The following TFAP2B variants were observed in gnomAD, a reference collection of about 807,000 sequenced individuals.
The protein encoded by TFAP2B is transcription factor AP-2 beta, also known as transcription factor AP-2-beta.
A neutral mutation model predicts 44.3 loss-of-function variants in TFAP2B; 9 were observed. The ratio of observed to expected loss-of-function variants is 0.20; its 90% CI spans 0.12 to 0.35. The LOEUF is 0.35. Ranked by LOEUF, TFAP2B falls within the 10% of genes least tolerant of loss-of-function variation. The pLI, the probability that TFAP2B is intolerant of heterozygous loss-of-function variation, is 1.00. For missense variants in TFAP2B, 509 were observed against 600.0 expected (o/e 0.85, Z 1.59); for synonymous variants, 270 against 263.8 (o/e 1.02, Z -0.23).
At chr6:50,828,327 A>C (rs1403005081) in intron 2 of TFAP2B, among the ~76,000 whole-genome samples, 1 of 152,240 alleles carries the variant, frequency 6.6e-6, no homozygotes, top group African/African-American at 2.4e-5. Context: ...ATAAGAGCAA[A>C]TAATATAAAG....
In TFAP2B at chr6:50,844,976, C is replaced by T. The variant is rs1192139586; in HGVS notation, c.*1584C>T. On this transcript the variant is annotated 3_prime_UTR_variant, in exon 7 of 7. Transcript: ENST00000393655. ...TTTTTACCGTCTGGATACATCGGGACTATTCCCAGTGGATAAAGTTTCATG... is the reference window on the plus strand; with the variant it reads ...TTTTTACCGTCTGGATACATCGGGATTATTCCCAGTGGATAAAGTTTCATG... 6.6e-6 allele frequency: 1 copy of T among 152,204 alleles called. No individual in the cohort carries two copies. The highest frequency in any genetic ancestry group is 2.4e-5 in the African/African-American group (1 of 41,452). The allele number at this position is 152,204 out of a possible 1,614,324, so 9.4% of individuals were successfully genotyped here.
intron 2 of TFAP2B, among the ~76,000 whole-genome samples, chr6:50,826,566 A>AGCGC (rs547861744): frequency 2.7e-4 from 39 of 143,926 alleles, no homozygotes; most frequent in African/African-American, 6.8e-4. Context: ...ATTGTGCATG[A>AGCGC]GCGCGCGCGC....
In TFAP2B at chr6:50,830,334, G is replaced by C. The variant is rs577044320; in HGVS notation, c.601+1655G>C. The C allele has an allele frequency of 4.1e-6, 4 of 981,866 alleles. No homozygotes were observed. The South Asian group carries it at 1.9e-4, about 46-fold the overall frequency. 60.8% of individuals were successfully genotyped at this position (981,866 alleles called of 1,614,324 possible). ...AAATATTTGTAACTTAGCTTGCCTA[G>C]CAAAACAGAGCTGAAGATTTTCTTA... On this transcript the variant is annotated intron_variant, in intron 3 of 6. Coordinates refer to ENST00000393655, the MANE Select transcript of TFAP2B (RefSeq NM_003221.4).
intron 1 of TFAP2B, among the ~76,000 whole-genome samples, chr6:50,822,584 T>C (rs1006307281): frequency 3.9e-5 from 6 of 152,152 alleles, no homozygotes; most frequent in African/African-American, 1.4e-4. Context: ...AGGAATAAGT[T>C]GTCTGGGCTT....
In TFAP2B at chr6:50,823,833, G is replaced by A. The variant is rs369404717; in HGVS notation, c.508G>A (p.Gly170Ser). The A allele has an allele frequency of 7.0e-5, 110 of 1,563,716 alleles. No individual in the cohort carries two copies. The highest frequency in any genetic ancestry group is 9.2e-5 in the Non-Finnish European group (106 of 1,155,180). ...AGMGDSLSLH[G>S]LGHPGMEDVQ... is the part of the protein sequence containing the mutation. ...CATGGGTGACAGCCTCTCGCTGCACGGCCTCGGCCATCCCGGAATGGAAGA... is the reference window on the plus strand; with the variant it reads ...CATGGGTGACAGCCTCTCGCTGCACAGCCTCGGCCATCCCGGAATGGAAGA... Residue 170 changes from glycine (G) to serine (S), a missense_variant, in exon 2 of 7, where the codon GGC becomes AGC. By Grantham distance (56) the Gly-to-Ser change is moderately conservative. Coordinates refer to ENST00000393655, the MANE Select transcript of TFAP2B (RefSeq NM_003221.4).
rs1186460776 is a variant in TFAP2B at position 50,836,158 on chromosome 6, C to T, written c.699C>T (p.Val233=). ...SVNTGEVFCS[V]PGRLSLLSST... is the part of the protein sequence containing the mutation. ...ACACCGGCGAGGTGTTTTGCTCCGTCCCAGGCCGTTTGTCTCTGCTCAGTT... is the reference window on the plus strand; with the variant it reads ...ACACCGGCGAGGTGTTTTGCTCCGTTCCAGGCCGTTTGTCTCTGCTCAGTT... Residue 233 remains valine (V), a synonymous_variant, in exon 4 of 7, where the codon GTC becomes GTT. Coordinates refer to ENST00000393655, the MANE Select transcript of TFAP2B (RefSeq NM_003221.4). The T allele has an allele frequency of 6.2e-6, 10 of 1,614,034 alleles. No homozygotes were observed. The South Asian group carries it at 7.7e-5, about 12-fold the overall frequency.
chr6:50,823,353 C>T lies in TFAP2B; in HGVS notation c.82-54C>T. 2.7e-6 allele frequency: 4 copies of T among 1,456,250 alleles called. No homozygotes were observed. In the South Asian group the frequency reaches 3.6e-5, roughly 13 times the overall value. The allele number at this position is 1,456,250 out of a possible 1,614,324, so 90.2% of individuals were successfully genotyped here. ...TCTCTGTCTCTCTCTGCCTCTATCT[C>T]TCTTTCTCTGTCTCCTTCTCTGGCT... On this transcript the variant is annotated intron_variant, in intron 1 of 6. Transcript: ENST00000393655.
intron 1 of TFAP2B, among the ~76,000 whole-genome samples, chr6:50,819,854 AGAGGCGGGCGAG>A (rs1561956296): frequency 2.2e-4 from 25 of 113,926 alleles, no homozygotes; most frequent in African/African-American, 9.1e-4. Flanking sequence ...GCGAGGTGGG[AGAGGCGGGCGAG>A]GTGGGAGAGG....
chr6:50,829,056 G>T (rs1427034772), intron 3 of TFAP2B, among the ~76,000 whole-genome samples: 2 of 152,194 alleles, frequency 1.3e-5, no homozygotes, highest in African/African-American at 4.8e-5. Context: ...CTGAGTTAAA[G>T]CTTATGTTAT....
chr6:50,821,357 A>C (rs1047549319), intron 1 of TFAP2B, among the ~76,000 whole-genome samples: 1 of 152,192 alleles, frequency 6.6e-6, no homozygotes, highest in African/African-American at 2.4e-5. Context: ...AACCAGGCCC[A>C]CCAATTTGCC....
chr6:50,823,794 G>A lies in TFAP2B; in HGVS notation c.469G>A (p.Gly157Ser). ...PDVLLHSAHH[G>S]LDAGMGDSLS... ...CGTGCTGCTGCATTCGGCGCACCAC[G>A]GCCTGGACGCGGGCATGGGTGACAG... Residue 157 changes from glycine (G) to serine (S), a missense_variant, in exon 2 of 7, where the codon GGC becomes AGC. By Grantham distance (56) the Gly-to-Ser change is moderately conservative (BLOSUM62 0). Transcript: ENST00000393655. 6.3e-7 allele frequency: 1 copy of A among 1,583,286 alleles called. No homozygotes were observed. Among genetic ancestry groups the A allele is most frequent in the Non-Finnish European group, 8.6e-7 (1 of 1,164,628 alleles).
intron 6 of TFAP2B, among the ~76,000 whole-genome samples, 162 bp from the exon 7 acceptor site, chr6:50,842,930 C>T (rs1028578543): frequency 6.6e-6 from 1 of 152,148 alleles, no homozygotes; most frequent in Admixed American, 6.5e-5. Context: ...CCCAGCTGCT[C>T]GAGAAGGGAG....
intron 6 of TFAP2B, among the ~76,000 whole-genome samples, chr6:50,841,383 A>G (rs1271883724): frequency 1.3e-5 from 2 of 152,088 alleles, no homozygotes; most frequent in Non-Finnish European, 2.9e-5. Flanking sequence ...GGTATTTGTC[A>G]GTAGATTGCC....
rs1177751993 is a variant in TFAP2B at position 50,846,756 on chromosome 6, A to G, written c.*3364A>G. The G allele has an allele frequency of 6.6e-6, 1 of 152,324 alleles. No individual in the cohort carries two copies. Among genetic ancestry groups the G allele is most frequent in the African/African-American group, 2.4e-5 (1 of 41,420 alleles). The allele number at this position is 152,324 out of a possible 1,614,324, so 9.4% of individuals were successfully genotyped here. On this transcript the variant is annotated 3_prime_UTR_variant, in exon 7 of 7. Coordinates refer to ENST00000393655, the MANE Select transcript of TFAP2B (RefSeq NM_003221.4). ...ACTTCTCCCCCAAAGTGGGAAGGTA[A>G]CTTTCTCCCCCTTTTCCCCACCACC... is the stretch of plus-strand genomic sequence containing the variant.
intron 4 of TFAP2B, among the ~76,000 whole-genome samples, chr6:50,837,132 G>GTGAC (rs1459619755): frequency 6.6e-6 from 1 of 152,196 alleles, no homozygotes; most frequent in Admixed American, 6.5e-5. Context: ...TTTCCTAAAA[G>GTGAC]TGACTGTATG....
chr6:50,819,569 C>T (rs1356364122), intron 1 of TFAP2B, among the ~76,000 whole-genome samples: 1 of 152,204 alleles, frequency 6.6e-6, no homozygotes, highest in Non-Finnish European at 1.5e-5. Context: ...CCTTGAGGGT[C>T]ACTGCGTCCG....
At position 50,836,131 on chromosome 6, in the gene TFAP2B, C is replaced by T. The variant is rs377512149; in HGVS notation, c.672C>T (p.Val224=). ...ACGGCTTCCTGGGAGGCATGTCTGT[C>T]AACACCGGCGAGGTGTTTTGCTCCG... is the stretch of plus-strand genomic sequence containing the variant. ...NKDGFLGGMS[V]NTGEVFCSVP... Residue 224 remains valine, a synonymous_variant, in exon 4 of 7, where the codon GTC becomes GTT. Coordinates refer to ENST00000393655, the MANE Select transcript of TFAP2B (RefSeq NM_003221.4). 2.5e-6 allele frequency: 4 copies of T among 1,614,068 alleles called. No homozygotes were observed. The African/African-American group carries it at 5.3e-5, about 22-fold the overall frequency.
At chr6:50,840,927 C>T (rs1376761488) in intron 6 of TFAP2B, among the ~76,000 whole-genome samples, 1 of 152,240 alleles carries the variant, frequency 6.6e-6, no homozygotes, top group Non-Finnish European at 1.5e-5. Flanking sequence ...CTCAGGCCTG[C>T]AGTGGGCGGC....
intron 3 of TFAP2B, chr6:50,830,385 C>T (rs1023144186): frequency 5.2e-6 from 4 of 773,244 alleles, no homozygotes; most frequent in Non-Finnish European, 6.3e-6. Context: ...GGTTTCAGAG[C>T]TTGTATATGT....
Sources: gnomAD v4.1 joint callset for allele counts (sites outside exome capture counted in the v4.1 genomes callset) on GRCh38, gnomAD v4.1.1 for gene constraint, MANE v1.5 for transcripts, NCBI Gene and HGNC (gene_info 2026-07-23, HGNC 2026-07-21) for gene names.